The following CBLN2 variants were observed in gnomAD, a reference collection of about 807,000 sequenced individuals.
CBLN2 encodes the protein cerebellin-2.
CBLN2 carries 7 observed loss-of-function variants against 15.0 expected under a neutral mutation model. The ratio of observed to expected loss-of-function variants is 0.47; its 90% confidence interval spans 0.27 to 0.88. CBLN2 has a LOEUF of 0.88. Among genes scored for constraint, CBLN2 ranks in the 40% least tolerant of loss-of-function variants. The pLI, the probability that CBLN2 is intolerant of heterozygous loss-of-function variation, is 0.14. For synonymous variants in CBLN2, 149 were observed against 135.2 expected (o/e 1.10, Z -0.71); for missense variants, 242 against 304.5 (o/e 0.79, Z 1.53).
rs997992741 is a variant in CBLN2 at position 72,543,466 on chromosome 18, G to A, written c.-167+20C>T. The stretch of plus-strand genomic sequence containing the variant: ...GAAGGCGCTTGCATGCGGAGGGGAG[G>A]GCAGGTCGGGGGTGGTTACCTGGAA... On this transcript the variant is annotated intron_variant, in intron 2 of 4. Transcript: ENST00000269503. This position sits in a 1 kb window ranked among gnomAD's most constrained non-coding sequence, Gnocchi z 6.8. The A allele has an allele frequency of 1.8e-5, 7 of 398,774 alleles. No individual in the cohort carries two copies. The highest frequency in any genetic ancestry group is 1.1e-4 in the East Asian group (3 of 28,036). The allele number at this position is 398,774 out of a possible 1,614,324, so 24.7% of individuals were successfully genotyped here. A position where few individuals can be genotyped will look rare whatever the true frequency, so the allele number is the denominator to read the frequency against.
At chr18:72,617,828 G>T (rs2069672554) in intron 1 of CBLN2, among the ~76,000 whole-genome samples, 1 of 152,088 alleles carries the variant, frequency 6.6e-6, no homozygotes, top group South Asian at 2.1e-4. Flanking sequence ...TAGTAATAGT[G>T]GAAAGGAGGC....
chr18:72,556,449 C>T (rs1295988881), intron 1 of CBLN2, among the ~76,000 whole-genome samples: 1 of 151,546 alleles, frequency 6.6e-6, no homozygotes, highest in African/African-American at 2.4e-5. Flanking sequence ...AAAGAAAGAG[C>T]AGAAGGAAGG....
chr18:72,561,116 A>AAAGCTATATATATAT (rs2069258219), intron 1 of CBLN2, among the ~76,000 whole-genome samples: 1 of 152,048 alleles, frequency 6.6e-6, no homozygotes, highest in Admixed American at 6.6e-5. Context: ...AGCTGTGATA[A>AAAGCTATATATATAT]AAGCTATATA....
intron 1 of CBLN2, chr18:72,618,625 CT>C: frequency 1.0e-6 from 1 of 970,484 alleles, no homozygotes; most frequent in Non-Finnish European, 1.6e-6. Flanking sequence ...AGAACATCAC[CT>C]AAGAGATTAT....
At chr18:72,566,701 T>G (rs2069297423) in intron 1 of CBLN2, among the ~76,000 whole-genome samples, 1 of 152,110 alleles carries the variant, frequency 6.6e-6, no homozygotes, top group African/African-American at 2.4e-5. Flanking sequence ...AATGTTACAG[T>G]TAGATAGGAA....
intron 1 of CBLN2, among the ~76,000 whole-genome samples, chr18:72,602,006 G>A (rs908099323): frequency 6.6e-6 from 1 of 151,948 alleles, no homozygotes; most frequent in African/African-American, 2.4e-5. Context: ...GAAGTGCACC[G>A]AAGCCTGGAG....
At chr18:72,619,065 C>T (rs2069682260) in intron 1 of CBLN2, 9 of 751,064 alleles carry the variant, frequency 1.2e-5, no homozygotes, top group Admixed American at 8.7e-5. Context: ...GCAATTGCAA[C>T]AGTCTTCAAA....
At position 72,589,847 on chromosome 18, in the gene CBLN2, T is replaced by C. The variant is rs527347851; in HGVS notation, c.15+48478A>G. Among the ~76,000 whole-genome samples the C allele has an allele frequency of 5.4e-4, 83 of 152,316 alleles. 1 individual carries two copies. Among genetic ancestry groups the C allele is most frequent in the Admixed American group, 9.8e-4 (15 of 15,298 alleles). On this transcript the variant is annotated intron_variant, in intron 1 of 2. Transcript: ENST00000581073. ...TTAAAAGTTTCAATAATGGTGGTTG[T>C]GGAGGTCAGCTGCAGTGGCTCACGC...
chr18:72,573,971 C>T (rs886986170), intron 1 of CBLN2, among the ~76,000 whole-genome samples: 7 of 152,122 alleles, frequency 4.6e-5, no homozygotes, highest in South Asian at 2.1e-4. Flanking sequence ...TTTCGATTTT[C>T]GCCATTCTTA....
At position 72,629,479 on chromosome 18, in the gene CBLN2, A is replaced by T. The variant is rs558165709; in HGVS notation, c.15+8846T>A. On this transcript the variant is annotated intron_variant, in intron 1 of 2. Transcript: ENST00000581073. The stretch of plus-strand genomic sequence containing the variant: ...TCATTAATTAAAAAAAATAAAAATA[A>T]AAAGCAATGGCCTAGTGACTTCTAG... Among the ~76,000 whole-genome samples, 145 of 152,290 alleles carry T rather than the reference A, an allele frequency of 9.5e-4. 1 individual carries two copies. The highest frequency in any genetic ancestry group is 3.2e-3 in the African/African-American group (135 of 41,576).
At chr18:72,577,962 C>G (rs796403670) in intron 1 of CBLN2, among the ~76,000 whole-genome samples, 2 of 152,156 alleles carry the variant, frequency 1.3e-5, no homozygotes, top group African/African-American at 4.8e-5. Context: ...CTTCAAAGAC[C>G]ATATTATTTC....
At chr18:72,600,752 G>T (rs2069542626) in intron 1 of CBLN2, among the ~76,000 whole-genome samples, 1 of 152,192 alleles carries the variant, frequency 6.6e-6, no homozygotes, top group African/African-American at 2.4e-5. Context: ...CTCCCCAAAG[G>T]CTTGGAGGTT....
chr18:72,595,525 C>T (rs1043757016), intron 1 of CBLN2, among the ~76,000 whole-genome samples: 2 of 152,076 alleles, frequency 1.3e-5, no homozygotes, highest in African/African-American at 2.4e-5. Context: ...CTGTAAATAT[C>T]TATTAGGTCC....
chr18:72,542,106 G>A lies in CBLN2; in HGVS notation c.55C>T (p.Arg19Trp), dbSNP rs754928999. 101 of 1,456,430 alleles carry A rather than the reference G, an allele frequency of 6.9e-5. No homozygotes were observed. Among genetic ancestry groups the A allele is most frequent in the Non-Finnish European group, 8.8e-5 (98 of 1,114,690 alleles). The allele number at this position is 1,456,430 out of a possible 1,614,324, so 90.2% of individuals were successfully genotyped here. A position where few individuals can be genotyped will look rare whatever the true frequency, so the allele number is the denominator to read the frequency against. Residue 19 changes from arginine (R) to tryptophan (W), a missense_variant, in exon 3 of 5, where the codon CGG becomes TGG. Physicochemically the swap from Arg to Trp is moderately radical, Grantham distance 101 (BLOSUM62 -3). Transcript: ENST00000269503. ...LGLRLMMPGR[R>W]GALREPGGCG... The stretch of plus-strand genomic sequence containing the variant: ...CCGCCCGGCTCGCGCAGCGCCCCCC[G>A]GCGCCCGGGCATCATCAGCCGCAGC...
chr18:72,553,295 G>GT (rs1255841563), intron 1 of CBLN2, among the ~76,000 whole-genome samples: 2 of 152,180 alleles, frequency 1.3e-5, no homozygotes, highest in Non-Finnish European at 2.9e-5. Flanking sequence ...CACGTGTGGA[G>GT]TGGGAATCTG....
intron 1 of CBLN2, among the ~76,000 whole-genome samples, chr18:72,566,584 T>C (rs913066743): frequency 2.4e-4 from 36 of 152,166 alleles, no homozygotes; most frequent in African/African-American, 8.2e-4. Flanking sequence ...TTGTCACTCA[T>C]GTATGGAATC....
rs746640682 is a variant in CBLN2, at chr18:72,542,115, G to A, written c.46C>T (p.Pro16Ser). The A allele has an allele frequency of 2.1e-6, 3 of 1,434,082 alleles. No individual in the cohort carries two copies. Among genetic ancestry groups the A allele is most frequent in the Middle Eastern group, 2.5e-4 (1 of 3,938 alleles). 88.8% of individuals were successfully genotyped at this position (1,434,082 alleles called of 1,614,324 possible). A position where few individuals can be genotyped will look rare whatever the true frequency, so the allele number is the denominator to read the frequency against. ...RGPLGLRLMM[P>S]GRRGALREPG... is the part of the protein sequence containing the mutation. ...TCGCGCAGCGCCCCCCGGCGCCCGG[G>A]CATCATCAGCCGCAGCCCGAGTGGC... Residue 16 changes from proline (P) to serine (S), a missense_variant, in exon 3 of 5, where the codon CCC becomes TCC. Physicochemically the swap from Pro to Ser is moderately conservative, Grantham distance 74. Transcript: ENST00000269503.
intron 1 of CBLN2, among the ~76,000 whole-genome samples, chr18:72,559,426 C>T (rs957444382): frequency 2.0e-5 from 3 of 152,226 alleles, no homozygotes; most frequent in African/African-American, 7.2e-5. Context: ...AGGCTCAGAG[C>T]ACACATCCAA....
At chr18:72,596,291 CTG>C (rs1251428377) in intron 1 of CBLN2, among the ~76,000 whole-genome samples, 1 of 151,028 alleles carries the variant, frequency 6.6e-6, no homozygotes, top group Non-Finnish European at 1.5e-5. Flanking sequence ...AATAAAAACT[CTG>C]TTTTTTATTA....
Sources: gnomAD v4.1 joint callset for allele counts (sites outside exome capture counted in the v4.1 genomes callset) on GRCh38, gnomAD v4.1.1 for gene constraint, Gnocchi (gnomAD v3.1) non-coding constraint, MANE v1.5 for transcripts, NCBI Gene and HGNC (gene_info 2026-07-23, HGNC 2026-07-21) for gene names.